Variants in ARHGAP39 observed in about 807,000 individuals in gnomAD.
ARHGAP39 encodes the protein Rho GTPase activating protein 39, also known as rho GTPase-activating protein 39.
Under a neutral mutation model 106.9 loss-of-function variants are expected in ARHGAP39, and 44 were observed. The ratio of observed to expected loss-of-function variants is 0.41; its 90% CI spans 0.32 to 0.53. The LOEUF (loss-of-function observed/expected upper bound fraction) is 0.53. Among genes scored for constraint, ARHGAP39 ranks in the 20% least tolerant of loss-of-function variants. The pLI is 0.21. For missense variants in ARHGAP39, 1,496 were observed against 1,577.3 expected (o/e 0.95, Z 0.87); for synonymous variants, 768 against 693.2 (o/e 1.11, Z -1.69).
chr8:144,583,080 C>T (rs1001953361), intron 2 of ARHGAP39, among the ~76,000 whole-genome samples: 1 of 152,032 alleles, frequency 6.6e-6, no homozygotes, highest in Admixed American at 6.5e-5. Flanking sequence ...CAACAGGGGC[C>T]ACCCCCGCTC....
chr8:144,594,013 C>T (rs945414397), intron 2 of ARHGAP39, among the ~76,000 whole-genome samples: 7 of 146,614 alleles, frequency 4.8e-5, no homozygotes, highest in African/African-American at 1.8e-4. Context: ...TGCTTGAACC[C>T]GGGAGGCAGA....
intron 3 of ARHGAP39, among the ~76,000 whole-genome samples, chr8:144,561,590 C>T (rs1279998495): frequency 5.0e-5 from 6 of 120,966 alleles, no homozygotes; most frequent in Non-Finnish European, 3.9e-5. Context: ...CATCGGACCC[C>T]AGTGGTTTCC....
At chr8:144,570,191 A>C (rs1818536144) in intron 3 of ARHGAP39, among the ~76,000 whole-genome samples, 1 of 152,260 alleles carries the variant, frequency 6.6e-6, no homozygotes, top group East Asian at 1.9e-4. Flanking sequence ...ATTGCACCCC[A>C]GCCCGAGTGA....
At position 144,538,067 on chromosome 8, in the gene ARHGAP39, C is replaced by T. The variant is rs140015533; in HGVS notation, c.2522-254G>A. 1.5e-3 allele frequency among the ~76,000 whole-genome samples: 236 copies of T among 152,264 alleles called. 2 individuals are homozygous for T. The East Asian group carries it at 0.031, about 20-fold the overall frequency. On this transcript the variant is annotated intron_variant, in intron 6 of 11. Coordinates refer to ENST00000377307, the MANE Select transcript of ARHGAP39 (RefSeq NM_025251.3). The stretch of plus-strand genomic sequence containing the variant: ...CGTGAGTGGAGGTGCAGGGAAGGCG[C>T]CAGGGGAGCAGGAGGAGAACACAGG...
At chr8:144,692,583 G>T in the ARHGAP39 span, among the ~76,000 whole-genome samples, 1 of 152,162 alleles carries the variant, frequency 6.6e-6, no homozygotes, top group African/African-American at 2.4e-5. Context: ...AATGGGGGCT[G>T]TGGACCGGCT....
intron 1 of ARHGAP39, among the ~76,000 whole-genome samples, chr8:144,635,294 C>T (rs1433798275): frequency 6.6e-6 from 1 of 152,180 alleles, no homozygotes; most frequent in African/African-American, 2.4e-5. Context: ...AGTTGGTCAC[C>T]AACGGTTTAA....
At chr8:144,610,543 C>T (rs1162349999) in intron 1 of ARHGAP39, among the ~76,000 whole-genome samples, 1 of 151,680 alleles carries the variant, frequency 6.6e-6, no homozygotes, top group Non-Finnish European at 1.5e-5. Context: ...AACCCCATCT[C>T]TACTAAAAAT....
intron 2 of ARHGAP39, among the ~76,000 whole-genome samples, chr8:144,593,445 G>A (rs886970287): frequency 6.6e-6 from 1 of 152,232 alleles, no homozygotes; most frequent in Admixed American, 6.5e-5. Context: ...TAGACGAAAG[G>A]TCTCAATGTA....
chr8:144,615,118 C>T (rs1389979475), intron 1 of ARHGAP39, among the ~76,000 whole-genome samples: 3 of 152,284 alleles, frequency 2.0e-5, no homozygotes, highest in South Asian at 4.1e-4. Context: ...CTCAGGAGTT[C>T]GAGACCAGCT....
At chr8:144,566,606 G>A (rs754670458) in intron 3 of ARHGAP39, among the ~76,000 whole-genome samples, 1 of 152,026 alleles carries the variant, frequency 6.6e-6, no homozygotes, top group African/African-American at 2.4e-5. Context: ...CTGTAATCCC[G>A]GCACTTTGGG....
At chr8:144,699,758 G>A in the ARHGAP39 span, among the ~76,000 whole-genome samples, 1 of 152,004 alleles carries the variant, frequency 6.6e-6, no homozygotes, top group African/African-American at 2.4e-5. Context: ...GGGTAGGAAA[G>A]CGGGCTTCTC....
At chr8:144,648,458 C>T (rs966742346) in intron 1 of ARHGAP39, among the ~76,000 whole-genome samples, 1 of 152,220 alleles carries the variant, frequency 6.6e-6, no homozygotes, top group African/African-American at 2.4e-5. Flanking sequence ...CAGACCCTCA[C>T]TACAGAACTA....
intron 1 of ARHGAP39, among the ~76,000 whole-genome samples, chr8:144,658,340 T>C (rs1005628575): frequency 1.3e-5 from 2 of 151,952 alleles, no homozygotes; most frequent in African/African-American, 4.8e-5. Context: ...AATGGTGCGA[T>C]CTTGGCTCAC....
Position 144,581,163 on chromosome 8 carries a change from G to A in ARHGAP39, c.195C>T (p.Ser65=), listed in dbSNP as rs1325684228. 1.3e-6 allele frequency: 2 copies of A among 1,572,154 alleles called. No individual in the cohort carries two copies. The highest frequency in any genetic ancestry group is 1.7e-6 in the Non-Finnish European group (2 of 1,159,366). The change falls in exon 3 of 12, where the codon AGC becomes AGT. Residue 65 remains serine, a synonymous_variant. Transcript: ENST00000377307. The stretch of plus-strand genomic sequence containing the variant: ...CGAACAGCTCCCACCACTGGTTCTC[G>A]CTGGTGCGCTTGATGCGGACGCCGG... The part of the protein sequence containing the change: ...PPAGVRIKRT[S]ENQWWELFDP...
chr8:144,574,351 A>G (rs1394450013), intron 3 of ARHGAP39, among the ~76,000 whole-genome samples: 1 of 151,824 alleles, frequency 6.6e-6, no homozygotes, highest in Non-Finnish European at 1.5e-5. Flanking sequence ...ACTGGGCAAC[A>G]TGGCATTAGC....
At chr8:144,538,040 G>A (rs1033342161) in intron 6 of ARHGAP39, among the ~76,000 whole-genome samples, 6 of 152,214 alleles carry the variant, frequency 3.9e-5, no homozygotes, top group African/African-American at 7.2e-5. Context: ...TGCCTGTGCT[G>A]GCGTGAGTGG....
the ARHGAP39 span, among the ~76,000 whole-genome samples, chr8:144,694,279 G>A: frequency 6.6e-6 from 1 of 152,206 alleles, no homozygotes; most frequent in Non-Finnish European, 1.5e-5. Flanking sequence ...AGCCTTGGTG[G>A]TGCAGCAGTG....
At chr8:144,675,916 G>A (rs766230205) in intron 1 of ARHGAP39, among the ~76,000 whole-genome samples, 16 of 152,178 alleles carry the variant, frequency 1.1e-4, no homozygotes, top group African/African-American at 3.1e-4. Flanking sequence ...TTCGCGGTGA[G>A]TGTTACGGTT....
intron 1 of ARHGAP39, among the ~76,000 whole-genome samples, chr8:144,640,912 C>T (rs188013393): frequency 6.6e-6 from 1 of 152,328 alleles, no homozygotes; most frequent in African/African-American, 2.4e-5. Context: ...GTTTTAACCT[C>T]GCTAAATGCT....
Sources: gnomAD v4.1 joint callset for allele counts (sites outside exome capture counted in the v4.1 genomes callset) on GRCh38, gnomAD v4.1.1 for gene constraint, MANE v1.5 for transcripts, NCBI Gene and HGNC (gene_info 2026-07-23, HGNC 2026-07-21) for gene names.